ACOT12: variants seen among roughly 807,000 people sequenced by gnomAD.
ACOT12 encodes acyl-CoA thioesterase 12.
A neutral mutation model predicts 67.7 loss-of-function variants in ACOT12; 51 were observed. The ratio of observed to expected loss-of-function variants is 0.75; its 90% CI spans 0.60 to 0.95. The LOEUF (loss-of-function observed/expected upper bound fraction) is 0.95, where lower values mean the gene tolerates loss of function less well. Among genes scored for constraint, ACOT12 ranks in the 40% least tolerant of loss-of-function variants. The pLI is 0.00. For missense variants in ACOT12, 734 were observed against 708.1 expected (o/e 1.04, Z -0.41); for synonymous variants, 251 against 244.6 (o/e 1.03, Z -0.24).
At chr5:81,325,649 A>G (rs1446147873), downstream of ACOT12, among the ~76,000 whole-genome samples, 1 of 152,136 alleles carries the variant, frequency 6.6e-6, no homozygotes, top group African/African-American at 2.4e-5. Flanking sequence ...ATATCCCTAA[A>G]TTGGATGTGA....
downstream of ACOT12, among the ~76,000 whole-genome samples, chr5:81,326,166 G>T (rs1477863022): frequency 8.9e-6 from 1 of 112,330 alleles, no homozygotes; most frequent in Non-Finnish European, 1.7e-5. Flanking sequence ...TCGCCCTGTT[G>T]CCAGGCTTGA....
At chr5:81,314,311 G>A in the ACOT12 span, among the ~76,000 whole-genome samples, 46 of 152,206 alleles carry the variant, frequency 3.0e-4, no homozygotes, top group African/African-American at 1.1e-3. Flanking sequence ...CACCATGTTG[G>A]CCAGGCTGGT....
At chr5:81,387,559 C>T (rs547705060) in intron 1 of ACOT12, among the ~76,000 whole-genome samples, 30 of 132,388 alleles carry the variant, frequency 2.3e-4, no homozygotes, top group African/African-American at 7.9e-4. Context: ...TTTTAAGAGA[C>T]GAGGTCTGTA....
rs770116866 is a variant in ACOT12, at chr5:81,385,854, C to T, written c.128-28G>A. ...TCAAAAAATACATAAAAATGTGCTG[C>T]TTTAGTGGTGATATGAGAATATTTC... On this transcript the variant is annotated intron_variant, in intron 1 of 14. Coordinates refer to ENST00000307624, the MANE Select transcript of ACOT12 (RefSeq NM_130767.3). 55 of 1,601,916 alleles carry T rather than the reference C, an allele frequency of 3.4e-5. No homozygotes were observed. In the South Asian group the frequency reaches 5.6e-4, roughly 16 times the overall value.
intron 3 of ACOT12, 82 bp downstream of exon 3, chr5:81,371,668 A>G (rs1760257894): frequency 1.3e-5 from 17 of 1,334,974 alleles, no homozygotes; most frequent in Middle Eastern, 1.8e-4. Flanking sequence ...TCCAAATATT[A>G]GTCTAGGCCT....
intron 1 of ACOT12, among the ~76,000 whole-genome samples, chr5:81,390,233 A>T (rs1056227588): frequency 6.6e-6 from 1 of 151,424 alleles, no homozygotes; most frequent in Non-Finnish European, 1.5e-5. Context: ...AAGTGCTAGG[A>T]TTATAGGCAT....
chr5:81,361,842 G>C (rs543487745), intron 4 of ACOT12, among the ~76,000 whole-genome samples: 1 of 152,282 alleles, frequency 6.6e-6, no homozygotes, highest in African/African-American at 2.4e-5. Context: ...GTTAATCATT[G>C]CCAATTTCTT....
the ACOT12 span, among the ~76,000 whole-genome samples, chr5:81,314,199 G>A: frequency 6.6e-6 from 1 of 152,032 alleles, no homozygotes. Flanking sequence ...TTGCCTCTTG[G>A]CTTCAAGCGA....
At chr5:81,373,804 A>C (rs1760328253) in intron 2 of ACOT12, among the ~76,000 whole-genome samples, 1 of 152,224 alleles carries the variant, frequency 6.6e-6, no homozygotes, top group Non-Finnish European at 1.5e-5. Flanking sequence ...TGCTCTGGCC[A>C]GACTGCCTCT....
intron 11 of ACOT12, among the ~76,000 whole-genome samples, chr5:81,337,351 T>G (rs773151573): frequency 5.9e-5 from 9 of 152,206 alleles, no homozygotes; most frequent in Non-Finnish European, 1.3e-4. Flanking sequence ...AATATTGTGC[T>G]GAGCACTTAT....
chr5:81,343,841 T>C lies in ACOT12; in HGVS notation c.1021A>G (p.Ile341Val), dbSNP rs147233411. Residue 341 changes from isoleucine to valine, a missense_variant, in exon 10 of 15, where the codon ATA becomes GTA. Physicochemically the swap from Ile to Val is conservative, Grantham distance 29. Coordinates refer to ENST00000307624, the MANE Select transcript of ACOT12 (RefSeq NM_130767.3). ...ACCTGCTTGCTGATATCCCAGTGTA[T>C]GCAAAGTGGAACCTCTTCTTTGTGG... The part of the protein sequence containing the change: ...ISHKEEVPLC[I>V]HWDISKQASL... The C allele has an allele frequency of 1.6e-4, 251 of 1,613,684 alleles. 2 individuals are homozygous for C. In the African/African-American group the frequency reaches 2.9e-3, roughly 19 times the overall value.
At chr5:81,370,539 G>A (rs1760217690) in intron 3 of ACOT12, among the ~76,000 whole-genome samples, 1 of 152,196 alleles carries the variant, frequency 6.6e-6, no homozygotes, top group Non-Finnish European at 1.5e-5. Context: ...AAATTTGGAA[G>A]CAGACACCCA....
intron 4 of ACOT12, among the ~76,000 whole-genome samples, chr5:81,360,561 T>C (rs182314717): frequency 3.3e-4 from 51 of 152,280 alleles, no homozygotes; most frequent in Admixed American, 1.6e-3. Flanking sequence ...AAAGAATCAA[T>C]ATGTAGGAAT....
At chr5:81,381,699 C>A (rs1760589211) in intron 2 of ACOT12, among the ~76,000 whole-genome samples, 1 of 152,016 alleles carries the variant, frequency 6.6e-6, no homozygotes, top group Non-Finnish European at 1.5e-5. Context: ...TAGGGAGGAG[C>A]CAGTTTCCCC....
At chr5:81,376,862 A>G (rs1266211723) in intron 2 of ACOT12, among the ~76,000 whole-genome samples, 1 of 152,172 alleles carries the variant, frequency 6.6e-6, no homozygotes, top group Non-Finnish European at 1.5e-5. Flanking sequence ...CTACCAACCA[A>G]AAAAAGTCCA....
chr5:81,347,322 G>A, intron 6 of ACOT12, among the ~76,000 whole-genome samples: 1 of 152,082 alleles, frequency 6.6e-6, no homozygotes, highest in East Asian at 1.9e-4. Context: ...TGTTTCCCAA[G>A]CTGGTCTTGA....
At chr5:81,331,696 A>G (rs1172694949) in intron 13 of ACOT12, among the ~76,000 whole-genome samples, 1 of 152,252 alleles carries the variant, frequency 6.6e-6, no homozygotes, top group Non-Finnish European at 1.5e-5. Flanking sequence ...ATAGCCCTCT[A>G]GACTTTTTAA....
rs1759282147 is a variant in ACOT12, at chr5:81,343,811, A to T, written c.1044+7T>A. 1 of 1,611,272 alleles carries T rather than the reference A, an allele frequency of 6.2e-7. No homozygotes were observed. Among genetic ancestry groups the T allele is most frequent in the Admixed American group, 1.7e-5 (1 of 59,226 alleles). Reference sequence around the variant, plus strand: ...TATATGAAGAGCTCCAAATCACAAAACATCACCTGCTTGCTGATATCCCAG... The same window carrying T: ...TATATGAAGAGCTCCAAATCACAAATCATCACCTGCTTGCTGATATCCCAG... On this transcript the variant is annotated splice_region_variant and intron_variant, in intron 10 of 14. Transcript: ENST00000307624.
intron 11 of ACOT12, 61 bp downstream of exon 11, chr5:81,342,611 A>C: frequency 1.1e-5 from 17 of 1,533,950 alleles, no homozygotes; most frequent in Non-Finnish European, 1.3e-5. Flanking sequence ...TAGAACCACC[A>C]CCACCACAGC....
Sources: gnomAD v4.1 joint callset for allele counts (sites outside exome capture counted in the v4.1 genomes callset) on GRCh38, gnomAD v4.1.1 for gene constraint, MANE v1.5 for transcripts, NCBI Gene and HGNC (gene_info 2026-07-23, HGNC 2026-07-21) for gene names.